Variants in VPS41 observed in about 807,000 individuals in gnomAD.
VPS41 encodes VPS41 subunit of HOPS complex.
A neutral mutation model predicts 130.9 loss-of-function variants in VPS41; 85 were observed. The observed-to-expected ratio is 0.65, with a 90% CI of 0.55 to 0.78. The LOEUF is 0.78. Among genes scored for constraint, VPS41 ranks in the 30% least tolerant of loss-of-function variants. The pLI, the probability that VPS41 is intolerant of heterozygous loss-of-function variation, is 0.00. For synonymous variants in VPS41, 335 were observed against 332.9 expected (o/e 1.01, Z -0.07); for missense variants, 874 against 1,018.7 (o/e 0.86, Z 1.93).
intron 22 of VPS41, chr7:38,746,059 G>A (rs1795979152): frequency 6.5e-6 from 1 of 154,146 alleles, no homozygotes; most frequent in South Asian, 2.0e-4. Context: ...ATAAGCTCAG[G>A]AAATATGAAT....
intron 14 of VPS41, among the ~76,000 whole-genome samples, chr7:38,768,075 G>C (rs17171461): frequency 6.6e-6 from 1 of 152,160 alleles, no homozygotes; most frequent in Non-Finnish European, 1.5e-5. Flanking sequence ...GAATATTAAA[G>C]TTGATATGAG....
At chr7:38,835,980 C>T (rs541950577) in intron 4 of VPS41, among the ~76,000 whole-genome samples, 174 of 152,030 alleles carry the variant, frequency 1.1e-3, no homozygotes, top group Non-Finnish European at 1.5e-3. Context: ...ACTACCAACA[C>T]GCTTGATTTC....
intron 1 of VPS41, among the ~76,000 whole-genome samples, chr7:38,908,489 C>G (rs2116473269): frequency 6.6e-6 from 1 of 151,498 alleles, no homozygotes; most frequent in Admixed American, 6.6e-5. Flanking sequence ...TTTACTAAGC[C>G]CAACAGTTCT....
At chr7:38,811,311 A>C (rs1784938515) in intron 7 of VPS41, among the ~76,000 whole-genome samples, 1 of 152,070 alleles carries the variant, frequency 6.6e-6, no homozygotes, top group Admixed American at 6.5e-5. Context: ...AACCACACCA[A>C]GCTGATACAC....
rs1584388053 is a variant in VPS41, at chr7:38,772,378, C to T, written c.1128+144G>A. On this transcript the variant is annotated intron_variant, in intron 13 of 28. Transcript: ENST00000310301. ...GGTTCCCTAATTTCTGAAGGGGGTACTAGAAAGTTATTAACTTCCTACATA... is the reference window on the plus strand; with the variant it reads ...GGTTCCCTAATTTCTGAAGGGGGTATTAGAAAGTTATTAACTTCCTACATA... 7.3e-6 allele frequency: 4 copies of T among 547,910 alleles called. No individual in the cohort carries two copies. In the East Asian group the frequency reaches 9.7e-5, roughly 13 times the overall value. The allele number at this position is 547,910 out of a possible 1,614,324, so 33.9% of individuals were successfully genotyped here. A position where few individuals can be genotyped will look rare whatever the true frequency, so the allele number is the denominator to read the frequency against.
intron 2 of VPS41, among the ~76,000 whole-genome samples, chr7:38,873,787 A>G (rs1197570998): frequency 6.6e-6 from 1 of 152,226 alleles, no homozygotes; most frequent in Non-Finnish European, 1.5e-5. Flanking sequence ...AGTCCTTTAT[A>G]CCATCCTACA....
intron 4 of VPS41, among the ~76,000 whole-genome samples, chr7:38,856,074 A>C (rs1785976507): frequency 6.6e-6 from 1 of 152,042 alleles, no homozygotes; most frequent in Non-Finnish European, 1.5e-5. Flanking sequence ...GGAGGAAGGG[A>C]AGGTCTCTCC....
chr7:38,829,295 A>G (rs1012126409), intron 5 of VPS41, among the ~76,000 whole-genome samples: 1 of 152,196 alleles, frequency 6.6e-6, no homozygotes, highest in Admixed American at 6.5e-5. Context: ...AAGAGACTTC[A>G]TGTTGCTTTT....
intron 4 of VPS41, among the ~76,000 whole-genome samples, chr7:38,830,650 AG>A (rs1361500085): frequency 1.3e-5 from 2 of 152,254 alleles, no homozygotes; most frequent in Non-Finnish European, 2.9e-5. Flanking sequence ...GGCAAAGGTC[AG>A]GGCAGACCAA....
chr7:38,847,036 T>C (rs1424050293), intron 4 of VPS41, among the ~76,000 whole-genome samples: 7 of 152,068 alleles, frequency 4.6e-5, no homozygotes, highest in Admixed American at 4.6e-4. Context: ...TCTGGCCCAG[T>C]AGACCACACC....
intron 22 of VPS41, 163 bp from the exon 23 acceptor site, chr7:38,745,776 C>CAA: frequency 1.6e-6 from 1 of 637,706 alleles, no homozygotes; most frequent in South Asian, 1.8e-5. Context: ...TAGCTGCACT[C>CAA]AGTTACCTCT....
intron 6 of VPS41, among the ~76,000 whole-genome samples, chr7:38,818,250 A>AG (rs1785100102): frequency 2.5e-5 from 1 of 40,268 alleles, no homozygotes; most frequent in Non-Finnish European, 4.3e-5. Flanking sequence ...AAAACAAAAC[A>AG]AAAAAAAAAA....
Position 38,752,239 on chromosome 7 carries a change from A to G in VPS41, c.1863T>C (p.Ala621=). The G allele has an allele frequency of 6.2e-7, 1 of 1,614,012 alleles. No homozygotes were observed. The highest frequency in any genetic ancestry group is 8.5e-7 in the Non-Finnish European group (1 of 1,179,898). ...GAAGTAAGTTTGGTCGATCATATTC[A>G]GCATAAAGACTGATCTGTTTTTCAT... ...RYHEKQISLY[A]EYDRPNLLPF... The change falls in exon 22 of 29, where the codon GCT becomes GCC. Residue 621 remains alanine, a synonymous_variant. Coordinates refer to ENST00000310301, the MANE Select transcript of VPS41 (RefSeq NM_014396.4).
intron 2 of VPS41, among the ~76,000 whole-genome samples, chr7:38,880,257 C>T (rs1199182454): frequency 1.3e-5 from 2 of 152,188 alleles, no homozygotes; most frequent in Non-Finnish European, 2.9e-5. Flanking sequence ...TATCACATGA[C>T]CAGACCATAA....
At chr7:38,834,484 GTTGTAAAA>G (rs1785452445) in intron 4 of VPS41, among the ~76,000 whole-genome samples, 1 of 152,112 alleles carries the variant, frequency 6.6e-6, no homozygotes, top group Admixed American at 6.5e-5. Flanking sequence ...GCACACACAG[GTTGTAAAA>G]TAAAACGGAG....
chr7:38,784,421 TGA>T (rs918933190), intron 10 of VPS41, among the ~76,000 whole-genome samples: 7 of 152,264 alleles, frequency 4.6e-5, no homozygotes, highest in African/African-American at 1.7e-4. Context: ...GAGGATTTCT[TGA>T]GCCCAGTTTG....
intron 4 of VPS41, among the ~76,000 whole-genome samples, chr7:38,831,944 C>A (rs1396306828): frequency 6.6e-6 from 1 of 152,182 alleles, no homozygotes; most frequent in Non-Finnish European, 1.5e-5. Context: ...AAAATCATAC[C>A]TCTAAGGTAA....
At chr7:38,849,105 G>C (rs1367083363) in intron 4 of VPS41, among the ~76,000 whole-genome samples, 1 of 152,036 alleles carries the variant, frequency 6.6e-6, no homozygotes, top group Non-Finnish European at 1.5e-5. Flanking sequence ...TAAAACTTTA[G>C]AAGGACATAC....
chr7:38,897,644 C>A (rs1356081856), intron 2 of VPS41, among the ~76,000 whole-genome samples: 241 of 97,672 alleles, frequency 2.5e-3, no homozygotes, highest in South Asian at 5.7e-3. Context: ...GACTCCGTCT[C>A]AAAAAAAAAA....
Sources: gnomAD v4.1 joint callset for allele counts (sites outside exome capture counted in the v4.1 genomes callset) on GRCh38, gnomAD v4.1.1 for gene constraint, MANE v1.5 for transcripts, NCBI Gene and HGNC (gene_info 2026-07-23, HGNC 2026-07-21) for gene names.